Variants in MAN1C1 observed in about 807,000 individuals in gnomAD.
MAN1C1 encodes the protein mannosyl-oligosaccharide 1,2-alpha-mannosidase IC.
Under a neutral mutation model 71.5 loss-of-function variants are expected in MAN1C1, and 49 were observed. The observed-to-expected ratio is 0.69, with a 90% CI of 0.54 to 0.87. The LOEUF is 0.87. MAN1C1 is among the 40% of genes least tolerant of loss of function. The probability of loss-of-function intolerance (pLI) is 0.00; values close to 1 mark genes in which losing one functional copy is unlikely to be tolerated. For synonymous variants in MAN1C1, 352 were observed against 343.7 expected (o/e 1.02, Z -0.27); for missense variants, 743 against 835.0 (o/e 0.89, Z 1.36).
chr1:25,650,042 A>G (rs3014718), intron 1 of MAN1C1, among the ~76,000 whole-genome samples: 3,019 of 152,022 alleles, frequency 0.02, 104 homozygotes, highest in African/African-American at 0.069. Flanking sequence ...CTGAGTTGCC[A>G]AAGTTGGGGG....
chr1:25,679,946 AAAAAAT>A (rs2046124237), intron 1 of MAN1C1, among the ~76,000 whole-genome samples: 2 of 118,544 alleles, frequency 1.7e-5, no homozygotes, highest in Non-Finnish European at 3.3e-5. Context: ...TCAAAAAAAA[AAAAAAT>A]ATATATATAT....
rs1165424299 is a variant in MAN1C1, at chr1:25,648,239, T to C, written c.540+29902T>C. ...AGGGAGCATATTCCCAGTTGACAGA[T>C]TGAGCTTTAGAAAAGGAGTGGCTTT... On this transcript the variant is annotated intron_variant, in intron 1 of 11. Transcript: ENST00000374332. Among the ~76,000 whole-genome samples the C allele has an allele frequency of 3.3e-5, 5 of 152,336 alleles. No individual in the cohort carries two copies. The East Asian group carries it at 5.8e-4, about 18-fold the overall frequency.
intron 1 of MAN1C1, among the ~76,000 whole-genome samples, chr1:25,669,671 T>G (rs1358601060): frequency 6.6e-6 from 1 of 152,104 alleles, no homozygotes; most frequent in Non-Finnish European, 1.5e-5. Context: ...TCCCAGCTAC[T>G]AGGGAGGCTG....
chr1:25,617,649 A>G lies in MAN1C1; in HGVS notation c.-149A>G. 1 of 603,942 alleles carries G rather than the reference A, an allele frequency of 1.7e-6. No homozygotes were observed. Among genetic ancestry groups the G allele is most frequent in the South Asian group, 2.2e-5 (1 of 45,194 alleles). The allele number at this position is 603,942 out of a possible 1,614,324, so 37.4% of individuals were successfully genotyped here. On this transcript the variant is annotated 5_prime_UTR_variant, in exon 1 of 12. Coordinates refer to ENST00000374332, the MANE Select transcript of MAN1C1 (RefSeq NM_020379.4). This position sits in a 1 kb window ranked among gnomAD's most constrained non-coding sequence, Gnocchi z 5.1. ...TCCAAACTCCCTGAACTTCGGGGAC[A>G]GTCCCCCGAAGCGGCGAAACTCTCA...
intron 2 of MAN1C1, among the ~76,000 whole-genome samples, chr1:25,719,035 CTA>C (rs2046722590): frequency 1.3e-5 from 2 of 149,152 alleles, no homozygotes; most frequent in Admixed American, 1.3e-4. Context: ...TCCATTTTCT[CTA>C]TATCTTTCCA....
intron 1 of MAN1C1, among the ~76,000 whole-genome samples, chr1:25,629,461 G>T (rs1383267813): frequency 1.3e-5 from 2 of 151,748 alleles, no homozygotes; most frequent in African/African-American, 4.8e-5. Flanking sequence ...TTTGAGACAG[G>T]GTCTCCCTCC....
At position 25,735,141 on chromosome 1, in the gene MAN1C1, G is replaced by A. The variant is rs533230004; in HGVS notation, c.638-11527G>A. Among the ~76,000 whole-genome samples the A allele has an allele frequency of 6.6e-6, 1 of 152,300 alleles. No homozygotes were observed. The highest frequency in any genetic ancestry group is 1.9e-4 in the East Asian group (1 of 5,186). ...GATTAAGACATAGGCGGCCAGTCGC[G>A]GTGGCTCACGCCTGTTATCCCAGGC... On this transcript the variant is annotated intron_variant, in intron 2 of 11. Transcript: ENST00000374332. The surrounding 1 kb of genome is among the most constrained non-coding windows in gnomAD (Gnocchi z 4.6).
At chr1:25,684,018 T>C (rs2046192932) in intron 1 of MAN1C1, among the ~76,000 whole-genome samples, 1 of 152,142 alleles carries the variant, frequency 6.6e-6, no homozygotes, top group Non-Finnish European at 1.5e-5. Flanking sequence ...AGTGACAGCT[T>C]CTTTGAGACC....
rs980613959 is a variant in MAN1C1 at position 25,725,353 on chromosome 1, T to C, written c.638-21315T>C. 3.3e-5 allele frequency among the ~76,000 whole-genome samples: 5 copies of C among 152,226 alleles called. No homozygotes were observed. The highest frequency in any genetic ancestry group is 1.2e-4 in the African/African-American group (5 of 41,456). ...GCCACGTCCCTTGCCTCGAAAGAGTTCTCTTCTTAGAGGAGGGATTCACAC... is the reference window on the plus strand; with the variant it reads ...GCCACGTCCCTTGCCTCGAAAGAGTCCTCTTCTTAGAGGAGGGATTCACAC... On this transcript the variant is annotated intron_variant, in intron 2 of 11. Coordinates refer to ENST00000374332, the MANE Select transcript of MAN1C1 (RefSeq NM_020379.4). The surrounding 1 kb of genome is among the most constrained non-coding windows in gnomAD (Gnocchi z 4.8).
intron 1 of MAN1C1, among the ~76,000 whole-genome samples, chr1:25,668,801 A>T (rs999559268): frequency 2.0e-5 from 3 of 151,598 alleles, no homozygotes; most frequent in African/African-American, 4.8e-5. Context: ...CTCGTGATCC[A>T]CCCGCCTCGG....
At chr1:25,698,297 G>C (rs745374808) in intron 2 of MAN1C1, among the ~76,000 whole-genome samples, 18 of 152,160 alleles carry the variant, frequency 1.2e-4, no homozygotes, top group Non-Finnish European at 2.6e-4. Flanking sequence ...CAGGAGGCTT[G>C]GGTTCTTCAA....
At chr1:25,630,079 T>G (rs2045356778) in intron 1 of MAN1C1, among the ~76,000 whole-genome samples, 3 of 152,150 alleles carry the variant, frequency 2.0e-5, no homozygotes, top group African/African-American at 7.2e-5. Context: ...AGATGAGAGA[T>G]AGGGATCCAG....
At chr1:25,706,580 G>A (rs1169830616) in intron 2 of MAN1C1, among the ~76,000 whole-genome samples, 1 of 152,174 alleles carries the variant, frequency 6.6e-6, no homozygotes, top group African/African-American at 2.4e-5. Context: ...GGGCAGCCTG[G>A]GAGTCTGAGT....
intron 1 of MAN1C1, among the ~76,000 whole-genome samples, chr1:25,629,516 G>T (rs941147616): frequency 2.6e-5 from 4 of 152,048 alleles, no homozygotes; most frequent in African/African-American, 9.7e-5. Context: ...GCTCACTGCA[G>T]CCTCCGCCTC....
At chr1:25,720,831 C>A (rs566210249) in intron 2 of MAN1C1, among the ~76,000 whole-genome samples, 2 of 152,060 alleles carry the variant, frequency 1.3e-5, no homozygotes, top group African/African-American at 4.8e-5. Context: ...TGACTCATTT[C>A]GAGTTTATTT....
intron 1 of MAN1C1, among the ~76,000 whole-genome samples, chr1:25,653,021 C>G (rs1429808266): frequency 6.6e-6 from 1 of 152,014 alleles, no homozygotes; most frequent in Non-Finnish European, 1.5e-5. Flanking sequence ...CCATCTTGAC[C>G]TCCCAAAGTG....
chr1:25,713,642 C>G, intron 2 of MAN1C1, among the ~76,000 whole-genome samples: 1 of 152,134 alleles, frequency 6.6e-6, no homozygotes, highest in East Asian at 1.9e-4. Context: ...CTGTTGGGCC[C>G]TAAGCCTTCC....
chr1:25,766,598 G>A (rs1398024272), intron 7 of MAN1C1, among the ~76,000 whole-genome samples: 2 of 151,502 alleles, frequency 1.3e-5, no homozygotes, highest in Admixed American at 6.6e-5. Context: ...CCTGGAAACC[G>A]AGCTTCAGGG....
At chr1:25,742,329 G>A (rs867571934) in intron 2 of MAN1C1, among the ~76,000 whole-genome samples, 1 of 152,130 alleles carries the variant, frequency 6.6e-6, no homozygotes, top group African/African-American at 2.4e-5. Context: ...AAAGGGAAGG[G>A]GTCTTGGAGA....
Sources: gnomAD v4.1 joint callset for allele counts (sites outside exome capture counted in the v4.1 genomes callset) on GRCh38, gnomAD v4.1.1 for gene constraint, Gnocchi (gnomAD v3.1) non-coding constraint, MANE v1.5 for transcripts, NCBI Gene and HGNC (gene_info 2026-07-23, HGNC 2026-07-21) for gene names.